EZH1: variants seen among roughly 807,000 people sequenced by gnomAD.
The protein encoded by EZH1 is enhancer of zeste 1 polycomb repressive complex 2 subunit, also known as histone-lysine N-methyltransferase EZH1.
EZH1 carries 33 observed loss-of-function variants against 100.5 expected under a neutral mutation model. The ratio of observed to expected loss-of-function variants is 0.33; its 90% CI spans 0.25 to 0.44. EZH1 has a LOEUF of 0.44. EZH1 is among the 20% of genes least tolerant of loss of function. The probability of loss-of-function intolerance (pLI) is 1.00; values close to 1 mark genes in which losing one functional copy is unlikely to be tolerated. For synonymous variants in EZH1, 272 were observed against 313.8 expected (o/e 0.87, Z 1.41); for missense variants, 475 against 928.4 (o/e 0.51, Z 6.35).
intron 10 of EZH1, among the ~76,000 whole-genome samples, chr17:42,715,783 T>C (rs967966909): frequency 1.1e-4 from 16 of 152,072 alleles, no homozygotes. Context: ...GGCGCCTTAT[T>C]ACACCTGTAA....
chr17:42,704,658 C>T lies in EZH1; in HGVS notation c.1961G>A (p.Arg654Gln). 1 of 1,613,932 alleles carries T rather than the reference C, an allele frequency of 6.2e-7. No homozygotes were observed. The highest frequency in any genetic ancestry group is 2.2e-5 in the East Asian group (1 of 44,880). The change falls in exon 18 of 21, where the codon CGA becomes CAA. Residue 654 changes from arginine to glutamine, a missense_variant. Around this residue, in one of 8 missense-constraint regions of EZH1, gnomAD observed 49 missense variants for 164.2 expected, o/e 0.30. Coordinates refer to ENST00000428826, the MANE Select transcript of EZH1 (RefSeq NM_001991.5). ...GTATTTGTCATAGACCTTTCCGCGT[C>T]GATCAGCCTCATCCTGAGAGATGAG... ...GELISQDEAD[R>Q]RGKVYDKYMS...
At position 42,706,052 on chromosome 17, in the gene EZH1, C is replaced by T. The variant is rs983480278; in HGVS notation, c.1794G>A (p.Lys598=). ...TCGASEHWDC[K]VVSCKNCSIQ... ...TGCTGCAGTTTTTACAGGAAACCAC[C>T]TTGCAGTCCCAGTGCTCTGAGGCCC... Residue 598 remains lysine (K), a synonymous_variant, in exon 16 of 21, where the codon AAG becomes AAA. Coordinates refer to ENST00000428826, the MANE Select transcript of EZH1 (RefSeq NM_001991.5). This position sits in a 1 kb window ranked among gnomAD's most constrained non-coding sequence, Gnocchi z 4.4. 1.2e-6 allele frequency: 2 copies of T among 1,613,932 alleles called. No homozygotes were observed. Among genetic ancestry groups the T allele is most frequent in the South Asian group, 1.1e-5 (1 of 91,046 alleles).
At chr17:42,703,321 C>T (rs1331695419) in intron 19 of EZH1, 1 of 305,626 alleles carries the variant, frequency 3.3e-6, no homozygotes, top group African/African-American at 2.2e-5. Context: ...ACTACAGGTG[C>T]ACACCACCAC....
intron 1 of EZH1, among the ~76,000 whole-genome samples, chr17:42,732,495 G>A (rs762051867): frequency 9.2e-5 from 14 of 152,136 alleles, no homozygotes; most frequent in African/African-American, 3.4e-4. Flanking sequence ...TCGGCCGGGC[G>A]CGGTGGCTCA....
chr17:42,727,723 G>C lies in EZH1; in HGVS notation c.158C>G (p.Thr53Ser). 6.2e-7 allele frequency: 1 copy of C among 1,607,364 alleles called. No individual in the cohort carries two copies. The highest frequency in any genetic ancestry group is 8.5e-7 in the Non-Finnish European group (1 of 1,177,804). The part of the protein sequence containing the change: ...VANFAKVQEK[T>S]QILNEEWKKL... ...CTTCCATTCTTCATTGAGGATCTGG[G>C]TTTTTTCTTGAACCTTTGCAAAATT... The change falls in exon 4 of 21, where the codon ACC becomes AGC. Residue 53 changes from threonine to serine, a missense_variant. Physicochemically the swap from Thr to Ser is moderately conservative, Grantham distance 58 (BLOSUM62 1). Around this residue, in one of 8 missense-constraint regions of EZH1, gnomAD observed 105 missense variants for 129.8 expected, o/e 0.81. Transcript: ENST00000428826.
intron 1 of EZH1, among the ~76,000 whole-genome samples, chr17:42,743,969 C>A (rs2054228646): frequency 6.6e-6 from 1 of 152,100 alleles, no homozygotes; most frequent in South Asian, 2.1e-4. Flanking sequence ...TTTTATTCAG[C>A]GGCAGTATGG....
chr17:42,703,990 C>G (rs1405339421), intron 18 of EZH1, among the ~76,000 whole-genome samples, 170 bp from the exon 19 acceptor site: 1 of 152,164 alleles, frequency 6.6e-6, no homozygotes, highest in African/African-American at 2.4e-5. Flanking sequence ...CAGAATTCAG[C>G]CTTGTGTGGG....
chr17:42,702,850 T>C, intron 20 of EZH1, 27 bp downstream of exon 20: 3 of 1,610,852 alleles, frequency 1.9e-6, no homozygotes. Context: ...CTGGGCCACA[T>C]CCCAAGGACC....
chr17:42,707,843 A>G, intron 15 of EZH1, 115 bp downstream of exon 15: 1 of 1,293,416 alleles, frequency 7.7e-7, no homozygotes, highest in Non-Finnish European at 1.1e-6. Flanking sequence ...CCTAAAACAC[A>G]GCAAAGGGGA....
chr17:42,710,625 G>GTTTTTTTTTTTT (rs1347789208), intron 12 of EZH1, among the ~76,000 whole-genome samples: 2 of 121,198 alleles, frequency 1.7e-5, no homozygotes, highest in African/African-American at 3.0e-5. Flanking sequence ...TTCTGTTTTT[G>GTTTTTTTTTTTT]TTTGTTTTTT....
At chr17:42,705,318 GT>G in intron 16 of EZH1, 135 bp from the exon 17 acceptor site, 1 of 560,166 alleles carries the variant, frequency 1.8e-6, no homozygotes, top group Non-Finnish European at 3.2e-6. Context: ...GCAGAAAAAG[GT>G]CTAACCCATT....
intron 2 of EZH1, among the ~76,000 whole-genome samples, chr17:42,730,363 A>ACCACAT (rs2053915528): frequency 6.6e-6 from 1 of 152,196 alleles, no homozygotes; most frequent in Non-Finnish European, 1.5e-5. Flanking sequence ...TAATAAAAGT[A>ACCACAT]GGATATGACA....
intron 5 of EZH1, 33 bp downstream of exon 5, chr17:42,724,272 T>A (rs1181971338): frequency 6.2e-7 from 1 of 1,611,640 alleles, no homozygotes; most frequent in Non-Finnish European, 8.5e-7. Context: ...ATCATACAGT[T>A]TAAATAACCA....
intron 10 of EZH1, 107 bp from the exon 11 acceptor site, chr17:42,713,496 CTTTT>C: frequency 2.8e-6 from 3 of 1,059,656 alleles, no homozygotes; most frequent in Non-Finnish European, 3.9e-6. Context: ...ATAATAGTGT[CTTTT>C]CTTTTTCTCT....
At chr17:42,725,865 C>G (rs905052388) in intron 4 of EZH1, among the ~76,000 whole-genome samples, 3 of 151,970 alleles carry the variant, frequency 2.0e-5, no homozygotes, top group Non-Finnish European at 4.4e-5. Context: ...TATTTGCTCT[C>G]AATACACTAT....
chr17:42,736,832 C>T (rs1371532754), intron 1 of EZH1, among the ~76,000 whole-genome samples: 1 of 151,916 alleles, frequency 6.6e-6, no homozygotes, highest in African/African-American at 2.4e-5. Flanking sequence ...GCCTGGGGAA[C>T]AGAGCGAGAC....
intron 1 of EZH1, among the ~76,000 whole-genome samples, chr17:42,735,646 T>C (rs2054050875): frequency 6.6e-6 from 1 of 152,152 alleles, no homozygotes; most frequent in South Asian, 2.1e-4. Flanking sequence ...AAAAAATATT[T>C]ATATAAGCAA....
chr17:42,711,383 G>C (rs530243807), intron 12 of EZH1, among the ~76,000 whole-genome samples: 167 of 152,310 alleles, frequency 1.1e-3, no homozygotes, highest in African/African-American at 3.9e-3. Flanking sequence ...TGTGGCAGAA[G>C]AATCACTTGA....
In EZH1 at chr17:42,701,850, TA is replaced by T. The variant is rs1342354033; in HGVS notation, c.*681del. ...CCTCCTGGGCCCAAGCTTAGCAGTT[TA>T]ACTACTATCATCTGGCTGGTTCTCC... is the stretch of plus-strand genomic sequence containing the variant. On this transcript the variant is annotated 3_prime_UTR_variant, in exon 21 of 21. Coordinates refer to ENST00000428826, the MANE Select transcript of EZH1 (RefSeq NM_001991.5). 2.0e-5 allele frequency: 3 copies of T among 152,422 alleles called. No individual in the cohort carries two copies. The East Asian group carries it at 5.6e-4, about 29-fold the overall frequency. 9.4% of individuals were successfully genotyped at this position (152,422 alleles called of 1,614,324 possible).
Sources: allele counts gnomAD v4.1 joint callset (sites outside exome capture counted in the v4.1 genomes callset), GRCh38; gene constraint gnomAD v4.1.1; regional missense constraint gnomAD v4.1.1; non-coding constraint Gnocchi (gnomAD v3.1); transcripts MANE v1.5; gene names NCBI Gene and HGNC (gene_info 2026-07-23, HGNC 2026-07-21).